The following GNAI3 variants were observed in gnomAD, a reference collection of about 807,000 sequenced individuals.
The protein encoded by GNAI3 is G protein subunit alpha i3, also known as guanine nucleotide-binding protein G(i) subunit alpha-3.
GNAI3 carries 12 observed loss-of-function variants against 41.8 expected under a neutral mutation model. The observed-to-expected ratio is 0.29, with a 90% CI of 0.18 to 0.47. GNAI3 has a LOEUF of 0.47. Among genes scored for constraint, GNAI3 ranks in the 20% least tolerant of loss-of-function variants. The pLI, the probability that GNAI3 is intolerant of heterozygous loss-of-function variation, is 1.00. For missense variants in GNAI3, 360 were observed against 429.6 expected, an observed-to-expected ratio of 0.84 and a Z score of 1.43; for synonymous variants, 132 against 146.5, an observed-to-expected ratio of 0.90 and a Z score of 0.71.
intron 7 of GNAI3, among the ~76,000 whole-genome samples, 172 bp from the exon 8 acceptor site, chr1:109,591,871 C>T (rs977624231): frequency 4.6e-5 from 7 of 152,204 alleles, no homozygotes; most frequent in African/African-American, 1.7e-4. Context: ...TGAGAGTCCA[C>T]TCTCACGAAG....
At chr1:109,561,097 G>C (rs1267262460) in intron 1 of GNAI3, among the ~76,000 whole-genome samples, 1 of 151,964 alleles carries the variant, frequency 6.6e-6, no homozygotes, top group East Asian at 1.9e-4. Context: ...TCTTAATTTT[G>C]GTTCATTCCA....
In GNAI3 at chr1:109,599,636, T is replaced by A. The variant is rs1477060123; in HGVS notation, c.*7314T>A. The A allele has an allele frequency of 6.6e-6, 1 of 152,214 alleles. No homozygotes were observed. Among genetic ancestry groups the A allele is most frequent in the Non-Finnish European group, 1.5e-5 (1 of 68,040 alleles). 9.4% of individuals were successfully genotyped at this position (152,214 alleles called of 1,614,324 possible). On this transcript the variant is annotated 3_prime_UTR_variant, in exon 9 of 9. Transcript: ENST00000369851. ...GCTATGCTAGGGAAGTACATTATGG[T>A]CTCTCCCTCTAAGAATATGAAGAGG...
intron 1 of GNAI3, among the ~76,000 whole-genome samples, chr1:109,558,283 C>T (rs765324493): frequency 4.6e-5 from 7 of 151,954 alleles, no homozygotes; most frequent in South Asian, 2.1e-4. Context: ...ATTAGCCAGG[C>T]GTGGTGGTGC....
rs1328163558 is a variant in GNAI3 at position 109,595,923 on chromosome 1, T to C, written c.*3601T>C. On this transcript the variant is annotated 3_prime_UTR_variant, in exon 9 of 9. Coordinates refer to ENST00000369851, the MANE Select transcript of GNAI3 (RefSeq NM_006496.4). Reference sequence around the variant, plus strand: ...CGTTAGTACTTGTGGGTTCTTTCCTTTTCATGTGTAATACTGATTTTAAGA... The same window carrying C: ...CGTTAGTACTTGTGGGTTCTTTCCTCTTCATGTGTAATACTGATTTTAAGA... 1.3e-5 allele frequency: 2 copies of C among 152,188 alleles called. No homozygotes were observed. The highest frequency in any genetic ancestry group is 4.8e-5 in the African/African-American group (2 of 41,430). 9.4% of individuals were successfully genotyped at this position (152,188 alleles called of 1,614,324 possible). A position where few individuals can be genotyped will look rare whatever the true frequency, so the allele number is the denominator to read the frequency against.
In GNAI3 at chr1:109,586,890, G is replaced by C. The variant is rs1369904424; in HGVS notation, c.874+8G>C. Reference sequence around the variant, plus strand: ...GTTATCCAGAATACACAGGTAAGGGGTTATGAAAGATTTTATTGGAGGTAC... The same window carrying C: ...GTTATCCAGAATACACAGGTAAGGGCTTATGAAAGATTTTATTGGAGGTAC... On this transcript the variant is annotated splice_region_variant and intron_variant, in intron 7 of 8. Transcript: ENST00000369851. 6.3e-7 allele frequency: 1 copy of C among 1,580,076 alleles called. No homozygotes were observed. The highest frequency in any genetic ancestry group is 2.2e-5 in the East Asian group (1 of 44,578).
Position 109,596,631 on chromosome 1 carries a change from G to T in GNAI3, c.*4309G>T. On this transcript the variant is annotated 3_prime_UTR_variant, in exon 9 of 9. Transcript: ENST00000369851. ...GGCCTCCCAAAGTGCTGAGATTACA[G>T]ATGTGAACCACTCCACCCACTCAGG... The T allele has an allele frequency of 6.6e-6, 1 of 152,454 alleles. No individual in the cohort carries two copies. Among genetic ancestry groups the T allele is most frequent in the Non-Finnish European group, 1.5e-5 (1 of 68,136 alleles). The allele number at this position is 152,454 out of a possible 1,614,324, so 9.4% of individuals were successfully genotyped here. A position where few individuals can be genotyped will look rare whatever the true frequency, so the allele number is the denominator to read the frequency against.
chr1:109,548,741 C>T lies in GNAI3; in HGVS notation c.21C>T (p.Ala7=), dbSNP rs1182142055. The T allele has an allele frequency of 1.2e-6, 2 of 1,613,264 alleles. No individual in the cohort carries two copies. Among genetic ancestry groups the T allele is most frequent in the Admixed American group, 3.3e-5 (2 of 59,970 alleles). Residue 7 remains alanine, a synonymous_variant, in exon 1 of 9, where the codon GCC becomes GCT. Transcript: ENST00000369851. ...CCGCCATGGGCTGCACGTTGAGCGC[C>T]GAAGACAAGGCGGCAGTGGAGCGAA... MGCTLS[A]EDKAAVERSK... is the part of the protein sequence containing the mutation.
rs866307965 is a variant in GNAI3, at chr1:109,548,652, C to T, written c.-69C>T. On this transcript the variant is annotated 5_prime_UTR_variant, in exon 1 of 9. Coordinates refer to ENST00000369851, the MANE Select transcript of GNAI3 (RefSeq NM_006496.4). ...CACCGCCCAGCAATAGACGGTGCCT[C>T]AGCCTGCCGAGCCGCAGTTTCCGTG... The T allele has an allele frequency of 8.9e-5, 99 of 1,114,284 alleles. No homozygotes were observed. Among genetic ancestry groups the T allele is most frequent in the Non-Finnish European group, 1.2e-4 (91 of 737,432 alleles). 69.0% of individuals were successfully genotyped at this position (1,114,284 alleles called of 1,614,324 possible).
At chr1:109,564,941 C>A (rs1008174730) in intron 1 of GNAI3, among the ~76,000 whole-genome samples, 1 of 152,262 alleles carries the variant, frequency 6.6e-6, no homozygotes, top group Non-Finnish European at 1.5e-5. Context: ...CTTCCAGTTA[C>A]AACTCACTGC....
intron 1 of GNAI3, among the ~76,000 whole-genome samples, chr1:109,556,325 A>C (rs1206993661): frequency 6.6e-6 from 1 of 152,128 alleles, no homozygotes. Context: ...TTATAGACTG[A>C]GATTATAGCC....
intron 7 of GNAI3, among the ~76,000 whole-genome samples, chr1:109,588,097 T>G (rs1037036708): frequency 1.3e-5 from 2 of 152,170 alleles, no homozygotes; most frequent in Non-Finnish European, 2.9e-5. Context: ...AAGATCAGAC[T>G]AGGCTGGGCG....
At chr1:109,549,045 T>C (rs936418296) in intron 1 of GNAI3, among the ~76,000 whole-genome samples, 1 of 152,004 alleles carries the variant, frequency 6.6e-6, no homozygotes, top group African/African-American at 2.4e-5. Context: ...GGAATTAGGC[T>C]GTAGAGGGTG....
chr1:109,578,672 C>T (rs540715734), intron 3 of GNAI3, among the ~76,000 whole-genome samples: 38 of 152,060 alleles, frequency 2.5e-4, no homozygotes, highest in Non-Finnish European at 4.7e-4. Flanking sequence ...GCTTCTAGAC[C>T]TTAAGTGCCT....
intron 1 of GNAI3, among the ~76,000 whole-genome samples, chr1:109,554,590 C>T (rs897529511): frequency 2.0e-5 from 3 of 151,976 alleles, no homozygotes; most frequent in African/African-American, 7.3e-5. Flanking sequence ...GATTTGATTT[C>T]CTTGTAGATT....
chr1:109,590,900 T>C (rs1206852500), intron 7 of GNAI3, among the ~76,000 whole-genome samples: 1 of 152,162 alleles, frequency 6.6e-6, no homozygotes, highest in African/African-American at 2.4e-5. Context: ...TACCTGGTCT[T>C]CTTTATATCT....
At chr1:109,569,357 A>G (rs1184483344) in intron 1 of GNAI3, among the ~76,000 whole-genome samples, 19 of 152,250 alleles carry the variant, frequency 1.2e-4, no homozygotes, top group Middle Eastern at 3.4e-3. Context: ...TTGTATTTCA[A>G]CTATTACTTC....
chr1:109,573,211 A>G (rs1385647597), intron 1 of GNAI3, among the ~76,000 whole-genome samples: 3 of 152,140 alleles, frequency 2.0e-5, no homozygotes, highest in Admixed American at 1.3e-4. Context: ...CTGGCTAAGG[A>G]GGGCAGGGTG....
rs1321266388 is a variant in GNAI3 at position 109,593,355 on chromosome 1, CCAT to C, written c.*1035_*1037del. On this transcript the variant is annotated 3_prime_UTR_variant, in exon 9 of 9. Transcript: ENST00000369851. ...AAATGTGGTGCCAAATCCCTGTTTG[CCAT>C]CGTTTTTACTGTACCGATGTTAACT... The C allele has an allele frequency of 3.3e-5, 5 of 152,736 alleles. No homozygotes were observed. The highest frequency in any genetic ancestry group is 1.3e-4 in the Admixed American group (2 of 15,302). The allele number at this position is 152,736 out of a possible 1,614,324, so 9.5% of individuals were successfully genotyped here. A position where few individuals can be genotyped will look rare whatever the true frequency, so the allele number is the denominator to read the frequency against.
At chr1:109,553,169 C>T (rs1648035523) in intron 1 of GNAI3, among the ~76,000 whole-genome samples, 1 of 151,954 alleles carries the variant, frequency 6.6e-6, no homozygotes. Flanking sequence ...ATACTATTTT[C>T]AAAGATCTTC....
Sources: allele counts gnomAD v4.1 joint callset (sites outside exome capture counted in the v4.1 genomes callset), GRCh38; gene constraint gnomAD v4.1.1; transcripts MANE v1.5; gene names NCBI Gene and HGNC (gene_info 2026-07-23, HGNC 2026-07-21).